The following ZNF93 variants were observed in gnomAD, a reference collection of about 807,000 sequenced individuals.
ZNF93 encodes zinc finger protein 93.
A neutral mutation model predicts 45.0 loss-of-function variants in ZNF93; 29 were observed. The observed-to-expected ratio is 0.64, with a 90% CI of 0.48 to 0.88. The LOEUF (loss-of-function observed/expected upper bound fraction) is 0.88, where lower values mean the gene tolerates loss of function less well. Among genes scored for constraint, ZNF93 ranks in the 40% least tolerant of loss-of-function variants. The pLI, the probability that ZNF93 is intolerant of heterozygous loss-of-function variation, is 0.00. For synonymous variants in ZNF93, 223 were observed against 244.6 expected (o/e 0.91, Z 0.82); for missense variants, 578 against 724.0 (o/e 0.80, Z 2.31).
At chr19:19,932,990 A>G in intron 3 of ZNF93, 192 bp from the exon 4 acceptor site, 1 of 402,106 alleles carries the variant, frequency 2.5e-6, no homozygotes, top group East Asian at 4.0e-5. Flanking sequence ...TACCTGCCTT[A>G]CCAGTTACAT....
At chr19:19,903,191 T>A (rs1359435729) in intron 1 of ZNF93, among the ~76,000 whole-genome samples, 1 of 152,190 alleles carries the variant, frequency 6.6e-6, no homozygotes, top group Non-Finnish European at 1.5e-5. Flanking sequence ...CTTTATGGCT[T>A]GCAAAAATGT....
At chr19:19,931,991 A>G (rs1323483133) in intron 3 of ZNF93, 1 of 388,430 alleles carries the variant, frequency 2.6e-6, no homozygotes, top group Non-Finnish European at 5.0e-6. Context: ...AAATTATTTT[A>G]TATGGTGTAT....
chr19:19,902,417 C>T (rs893252686), intron 1 of ZNF93, among the ~76,000 whole-genome samples: 2 of 151,984 alleles, frequency 1.3e-5, no homozygotes, highest in African/African-American at 2.4e-5. Context: ...CACCATCATG[C>T]TTGGCTGATT....
intron 1 of ZNF93, chr19:19,914,841 C>A (rs1037220872): frequency 2.5e-5 from 9 of 355,402 alleles, no homozygotes; most frequent in Admixed American, 4.3e-5. Flanking sequence ...GTTAGAAATT[C>A]AAAAAATCAG....
At chr19:19,928,345 T>C (rs760669754) in intron 3 of ZNF93, among the ~76,000 whole-genome samples, 1 of 152,234 alleles carries the variant, frequency 6.6e-6, no homozygotes, top group Non-Finnish European at 1.5e-5. Flanking sequence ...AGCTTTTAAC[T>C]GTAGGTTGTA....
chr19:19,934,953 C>A lies in ZNF93; in HGVS notation c.*135C>A. On this transcript the variant is annotated 3_prime_UTR_variant, in exon 4 of 4. Coordinates refer to ENST00000343769, the MANE Select transcript of ZNF93 (RefSeq NM_031218.4). ...GCAGAGGTCCTGCCATTTCGGAGAC[C>A]TGGAGGAAGTGGCCCATTTACAGCC... 2.0e-6 allele frequency: 2 copies of A among 1,014,556 alleles called. No homozygotes were observed. Among genetic ancestry groups the A allele is most frequent in the Non-Finnish European group, 2.8e-6 (2 of 713,964 alleles). The allele number at this position is 1,014,556 out of a possible 1,614,324, so 62.8% of individuals were successfully genotyped here. A position where few individuals can be genotyped will look rare whatever the true frequency, so the allele number is the denominator to read the frequency against.
intron 3 of ZNF93, among the ~76,000 whole-genome samples, chr19:19,929,926 A>G (rs2063367891): frequency 8.9e-6 from 1 of 112,956 alleles, no homozygotes; most frequent in Non-Finnish European, 1.7e-5. Context: ...CAACAGAGCG[A>G]GACTCCGTCT....
chr19:19,933,916 G>A lies in ZNF93; in HGVS notation c.961G>A (p.Ala321Thr). ...CTACGTTTGTGAAGAATGTGGCAAA[G>A]CCTTTAAGTACTCCCGTATCCTTAC... ...KPYVCEECGKAFKYSRILTTH... is the reference protein window; with the variant it reads ...KPYVCEECGKTFKYSRILTTH... Residue 321 changes from alanine (A) to threonine (T), a missense_variant, in exon 4 of 4, where the codon GCC becomes ACC. Ala to Thr is a moderately conservative substitution (Grantham distance 58). Around this residue, in one of 3 missense-constraint regions of ZNF93, gnomAD observed 446 missense variants for 547.6 expected, o/e 0.81. Coordinates refer to ENST00000343769, the MANE Select transcript of ZNF93 (RefSeq NM_031218.4). 1 of 1,612,898 alleles carries A rather than the reference G, an allele frequency of 6.2e-7. No homozygotes were observed. The highest frequency in any genetic ancestry group is 1.1e-5 in the South Asian group (1 of 91,018).
chr19:19,918,643 T>A (rs2063332277), intron 3 of ZNF93, among the ~76,000 whole-genome samples: 1 of 152,214 alleles, frequency 6.6e-6, no homozygotes, highest in African/African-American at 2.4e-5. Context: ...TGATCGCCAT[T>A]CTAACTGGAG....
chr19:19,901,263 T>C (rs2063269795), intron 1 of ZNF93, among the ~76,000 whole-genome samples, 172 bp downstream of exon 1: 1 of 152,258 alleles, frequency 6.6e-6, no homozygotes, highest in East Asian at 1.9e-4. Context: ...GCTGCGCTTA[T>C]AGCGCAGCCC....
chr19:19,912,012 G>C (rs970060130), intron 1 of ZNF93, among the ~76,000 whole-genome samples: 1 of 152,024 alleles, frequency 6.6e-6, no homozygotes, highest in African/African-American at 2.4e-5. Flanking sequence ...GTCTCCCAAA[G>C]TCTTGAGATT....
At chr19:19,917,274 A>G (rs1043122101) in intron 3 of ZNF93, among the ~76,000 whole-genome samples, 18 of 152,250 alleles carry the variant, frequency 1.2e-4, no homozygotes, top group African/African-American at 4.3e-4. Flanking sequence ...TGCAATTTTG[A>G]TAGGAAGTTT....
Position 19,935,013 on chromosome 19 carries a change from C to G in ZNF93, c.*195C>G. 1 of 585,874 alleles carries G rather than the reference C, an allele frequency of 1.7e-6. No homozygotes were observed. The highest frequency in any genetic ancestry group is 2.9e-6 in the Non-Finnish European group (1 of 343,962). The allele number at this position is 585,874 out of a possible 1,614,324, so 36.3% of individuals were successfully genotyped here. On this transcript the variant is annotated 3_prime_UTR_variant, in exon 4 of 4. Transcript: ENST00000343769. ...GGCCTGCAGACCTTGGCCTTTACTA[C>G]GGTACCTGAAGTGGTTCAATGACTC... is the stretch of plus-strand genomic sequence containing the variant.
intron 1 of ZNF93, chr19:19,909,066 A>G: frequency 6.6e-6 from 1 of 152,190 alleles, no homozygotes; most frequent in East Asian, 1.9e-4. Context: ...CTGAGGCTGA[A>G]ACACTGCTCA....
intron 3 of ZNF93, 129 bp from the exon 4 acceptor site, chr19:19,933,053 A>C (rs1326888704): frequency 5.4e-6 from 4 of 739,960 alleles, no homozygotes; most frequent in Non-Finnish European, 7.9e-6. Context: ...TCAGGAAGAC[A>C]TTACAGCTTG....
At chr19:19,903,150 A>G (rs1444003992) in intron 1 of ZNF93, among the ~76,000 whole-genome samples, 2 of 152,344 alleles carry the variant, frequency 1.3e-5, no homozygotes, top group East Asian at 1.9e-4. Context: ...AAAGTATTAC[A>G]ACAGGAGGAA....
intron 3 of ZNF93, among the ~76,000 whole-genome samples, chr19:19,926,810 A>G (rs924183243): frequency 1.3e-5 from 2 of 152,194 alleles, no homozygotes; most frequent in African/African-American, 4.8e-5. Context: ...TTATATATGT[A>G]TATGTGTATA....
intron 3 of ZNF93, among the ~76,000 whole-genome samples, chr19:19,918,220 G>A (rs549107637): frequency 6.6e-6 from 1 of 151,942 alleles, no homozygotes; most frequent in Non-Finnish European, 1.5e-5. Flanking sequence ...TTGTCCTTGC[G>A]ATAGTTTGCT....
intron 3 of ZNF93, 109 bp downstream of exon 3, chr19:19,916,764 A>G: frequency 1.3e-6 from 1 of 774,746 alleles, no homozygotes; most frequent in Non-Finnish European, 2.0e-6. Flanking sequence ...TCCAAAGGAA[A>G]TAGTTCCTGG....
Sources: allele counts gnomAD v4.1 joint callset (sites outside exome capture counted in the v4.1 genomes callset), GRCh38; gene constraint gnomAD v4.1.1; regional missense constraint gnomAD v4.1.1; transcripts MANE v1.5; gene names NCBI Gene and HGNC (gene_info 2026-07-23, HGNC 2026-07-21).